ARB2A: variants seen among roughly 807,000 people sequenced by gnomAD.
ARB2A encodes cotranscriptional regulator ARB2A.
the ARB2A span, among the ~76,000 whole-genome samples, chr5:93,800,549 T>C: frequency 6.6e-6 from 1 of 152,062 alleles, no homozygotes; most frequent in African/African-American, 2.4e-5. Flanking sequence ...TACTGATTGC[T>C]TTCTACATTT....
the ARB2A span, chr5:93,741,078 C>T: frequency 2.5e-6 from 4 of 1,613,930 alleles, no homozygotes; most frequent in East Asian, 4.5e-5. Flanking sequence ...GGCAGATGGT[C>T]GTCTGGCTAA....
the ARB2A span, among the ~76,000 whole-genome samples, chr5:93,743,831 T>C: frequency 6.6e-6 from 1 of 152,036 alleles, no homozygotes; most frequent in Non-Finnish European, 1.5e-5. Flanking sequence ...CACGCCTGGC[T>C]AATTTTTTGT....
chr5:93,951,195 T>C, the ARB2A span, among the ~76,000 whole-genome samples: 1 of 152,122 alleles, frequency 6.6e-6, no homozygotes, highest in Non-Finnish European at 1.5e-5. Context: ...CTTTTTCCTA[T>C]TGAGTTGTTT....
At chr5:93,770,750 C>T in the ARB2A span, among the ~76,000 whole-genome samples, 77 of 152,072 alleles carry the variant, frequency 5.1e-4, no homozygotes, top group Admixed American at 1.1e-3. Flanking sequence ...TTACAAGGGA[C>T]GTGAAGGACC....
At chr5:93,758,540 G>A in the ARB2A span, among the ~76,000 whole-genome samples, 3 of 152,046 alleles carry the variant, frequency 2.0e-5, no homozygotes, top group Non-Finnish European at 4.4e-5. Context: ...ATTATATCAA[G>A]CACTCTCTCA....
the ARB2A span, among the ~76,000 whole-genome samples, chr5:94,099,012 GGA>G: frequency 1.3e-5 from 2 of 152,050 alleles, no homozygotes; most frequent in Non-Finnish European, 2.9e-5. Flanking sequence ...AAAAAGCCCA[GGA>G]CCTGATGGAG....
the ARB2A span, among the ~76,000 whole-genome samples, chr5:93,845,999 TGACACACACA>T: frequency 1.8e-5 from 1 of 56,770 alleles, no homozygotes; most frequent in Non-Finnish European, 3.4e-5. Flanking sequence ...TCTCTCTCTG[TGACACACACA>T]CACACACACA....
the ARB2A span, among the ~76,000 whole-genome samples, chr5:94,043,908 A>G: frequency 6.6e-6 from 1 of 152,258 alleles, no homozygotes; most frequent in Non-Finnish European, 1.5e-5. Flanking sequence ...AAAGTATAAT[A>G]AAGCAAATTG....
the ARB2A span, among the ~76,000 whole-genome samples, chr5:93,972,680 C>T: frequency 6.6e-6 from 1 of 152,094 alleles, no homozygotes; most frequent in Admixed American, 6.5e-5. Flanking sequence ...CAGAAGGAAG[C>T]TGAAATCCAA....
chr5:93,823,311 A>C, the ARB2A span, among the ~76,000 whole-genome samples: 1 of 152,174 alleles, frequency 6.6e-6, no homozygotes, highest in Non-Finnish European at 1.5e-5. Flanking sequence ...GAAATTTGGT[A>C]ATTTTTTTCT....
At chr5:93,628,448 G>A in the ARB2A span, among the ~76,000 whole-genome samples, 10 of 152,162 alleles carry the variant, frequency 6.6e-5, no homozygotes, top group Non-Finnish European at 7.3e-5. Flanking sequence ...TAACAAGAGA[G>A]TTACCCTGTC....
chr5:93,796,373 T>C, the ARB2A span, among the ~76,000 whole-genome samples: 2 of 152,170 alleles, frequency 1.3e-5, no homozygotes, highest in African/African-American at 4.8e-5. Flanking sequence ...CTAATGTGAT[T>C]GGCCTATATG....
chr5:94,094,053 C>T, the ARB2A span, among the ~76,000 whole-genome samples: 744 of 152,278 alleles, frequency 4.9e-3, 2 homozygotes, highest in Non-Finnish European at 7.7e-3. Flanking sequence ...TCCAGGCCCT[C>T]TCTATTTTCC....
the ARB2A span, among the ~76,000 whole-genome samples, chr5:94,000,905 TA>T: frequency 2.0e-5 from 3 of 152,058 alleles, no homozygotes; most frequent in Non-Finnish European, 4.4e-5. Flanking sequence ...TTTAAAAGAG[TA>T]TCCCTGCTCC....
the ARB2A span, among the ~76,000 whole-genome samples, chr5:93,758,355 C>T: frequency 2.5e-3 from 377 of 152,202 alleles, 1 homozygote; most frequent in African/African-American, 8.7e-3. Context: ...AGAAAGTTAC[C>T]AAAGAAACCA....
chr5:93,921,837 A>G, the ARB2A span, among the ~76,000 whole-genome samples: 5 of 152,158 alleles, frequency 3.3e-5, no homozygotes, highest in African/African-American at 7.2e-5. Flanking sequence ...GGTTCCATCA[A>G]TGCTTTGTCC....
the ARB2A span, among the ~76,000 whole-genome samples, chr5:93,693,993 C>G: frequency 6.6e-6 from 1 of 151,882 alleles, no homozygotes; most frequent in African/African-American, 2.4e-5. Flanking sequence ...AATTCAACAC[C>G]CCTTCATGCT....
the ARB2A span, among the ~76,000 whole-genome samples, chr5:93,820,769 T>C: frequency 7.9e-5 from 12 of 152,154 alleles, no homozygotes; most frequent in Admixed American, 7.9e-4. Flanking sequence ...GTTCTTTCCT[T>C]TTGTCTTTAA....
At chr5:93,908,384 CTT>C in the ARB2A span, among the ~76,000 whole-genome samples, 52 of 150,656 alleles carry the variant, frequency 3.5e-4, no homozygotes, top group Non-Finnish European at 6.3e-4. Context: ...AAAAAATAAA[CTT>C]ATATTTGATA....
Sources: allele counts gnomAD v4.1 joint callset (sites outside exome capture counted in the v4.1 genomes callset), GRCh38; gene constraint gnomAD v4.1.1; transcripts MANE v1.5; gene names NCBI Gene and HGNC (gene_info 2026-07-23, HGNC 2026-07-21).